OSBPL6: variants seen among roughly 807,000 people sequenced by gnomAD.
OSBPL6 encodes oxysterol binding protein like 6.
In OSBPL6, 49 loss-of-function variants were observed where a neutral mutation model predicts 125.8. That is an observed-to-expected ratio of 0.39 (90% CI 0.31 to 0.49). The LOEUF is 0.49. Among genes scored for constraint, OSBPL6 ranks in the 20% least tolerant of loss-of-function variants. OSBPL6 has a pLI of 0.88. For synonymous variants in OSBPL6, 394 were observed against 391.8 expected (o/e 1.01, Z -0.07); for missense variants, 986 against 1,135.4 (o/e 0.87, Z 1.89).
Position 178,383,065 on chromosome 2 carries a change from C to T in OSBPL6, c.1663C>T (p.Arg555Cys), listed in dbSNP as rs762185098. ...TACAGGAGGGGCCTTCCGAAATGGG[C>T]GTCGAGCATGCCTGCCAGCTCCTTG... is the stretch of plus-strand genomic sequence containing the variant. The part of the protein sequence containing the change: ...ELTGGAFRNG[R>C]RACLPAPCPD... The change falls in exon 17 of 25, where the codon CGT (arginine) becomes TGT (cysteine). Residue 555 changes from arginine to cysteine, a missense_variant. By Grantham distance (180) the Arg-to-Cys change is radical (BLOSUM62 -3). This residue lies in a region of OSBPL6 where 843 missense variants were observed against 997.3 expected (regional missense o/e 0.85). Transcript: ENST00000190611. The T allele has an allele frequency of 3.1e-6, 5 of 1,614,170 alleles. No individual in the cohort carries two copies. Among genetic ancestry groups the T allele is most frequent in the East Asian group, 2.2e-5 (1 of 44,882 alleles).
rs571445174 is a variant in OSBPL6 at position 178,239,295 on chromosome 2, G to A, written c.-351+44621G>A. Among the ~76,000 whole-genome samples the A allele has an allele frequency of 2.0e-5, 3 of 152,280 alleles. No homozygotes were observed. In the South Asian group the frequency reaches 6.2e-4, roughly 32 times the overall value. ...GAAAATAATATTTAACATTTTAACA[G>A]TGATGGCTGGGCACAGTGGCTCACA... On this transcript the variant is annotated intron_variant, in intron 1 of 24. Coordinates refer to ENST00000190611, the MANE Select transcript of OSBPL6 (RefSeq NM_032523.4).
chr2:178,383,429 G>C (rs886484612), intron 17 of OSBPL6, 152 bp downstream of exon 17: 1 of 1,166,398 alleles, frequency 8.6e-7, no homozygotes, highest in Non-Finnish European at 1.2e-6. Flanking sequence ...AATCCGGCAA[G>C]GCCAAAACCT....
chr2:178,338,720 G>C (rs1274156322), intron 9 of OSBPL6, among the ~76,000 whole-genome samples: 3 of 152,184 alleles, frequency 2.0e-5, no homozygotes, highest in Admixed American at 2.0e-4. Flanking sequence ...AGCTATCAGA[G>C]CAGAAAAGGG....
chr2:178,320,852 AGCATG>A (rs1688175161), intron 3 of OSBPL6, among the ~76,000 whole-genome samples: 2 of 152,168 alleles, frequency 1.3e-5, no homozygotes, highest in Non-Finnish European at 2.9e-5. Context: ...ATCCTATTGG[AGCATG>A]ATTTTTATAA....
intron 14 of OSBPL6, among the ~76,000 whole-genome samples, chr2:178,373,342 G>A (rs1575001842): frequency 6.6e-6 from 1 of 151,740 alleles, no homozygotes; most frequent in South Asian, 2.1e-4. Flanking sequence ...ATTTTTTATT[G>A]AAACTTAAAT....
At chr2:178,231,184 C>T (rs112501574) in intron 1 of OSBPL6, among the ~76,000 whole-genome samples, 1 of 152,222 alleles carries the variant, frequency 6.6e-6, no homozygotes, top group African/African-American at 2.4e-5. Flanking sequence ...GCTTGAGCAG[C>T]GGTGTCTGAT....
chr2:178,373,768 A>G, intron 14 of OSBPL6, 122 bp from the exon 15 acceptor site: 3 of 1,211,002 alleles, frequency 2.5e-6, no homozygotes, highest in Non-Finnish European at 3.4e-6. Flanking sequence ...GCAAGTGAAA[A>G]TTGCTTGTGG....
chr2:178,221,327 A>C (rs929886336), intron 1 of OSBPL6, among the ~76,000 whole-genome samples: 1 of 152,224 alleles, frequency 6.6e-6, no homozygotes, highest in African/African-American at 2.4e-5. Context: ...ATTTTAGTGT[A>C]GGGTAGAAAC....
intron 1 of OSBPL6, among the ~76,000 whole-genome samples, chr2:178,238,562 G>T (rs1195384930): frequency 6.6e-6 from 1 of 152,190 alleles, no homozygotes. Context: ...GTTGCTGAGA[G>T]CTGTGGTAAG....
At chr2:178,368,989 G>T (rs1490544089) in intron 13 of OSBPL6, among the ~76,000 whole-genome samples, 1 of 151,934 alleles carries the variant, frequency 6.6e-6, no homozygotes, top group East Asian at 1.9e-4. Flanking sequence ...TAGAGTTGGG[G>T]TTTCACTATG....
chr2:178,269,630 C>T (rs2092327504), intron 1 of OSBPL6, among the ~76,000 whole-genome samples: 1 of 152,102 alleles, frequency 6.6e-6, no homozygotes, highest in Non-Finnish European at 1.5e-5. Flanking sequence ...GAATTTTTCC[C>T]AGTGTTAGCA....
intron 1 of OSBPL6, among the ~76,000 whole-genome samples, chr2:178,209,413 G>A (rs1304286508): frequency 1.6e-5 from 2 of 129,022 alleles, no homozygotes; most frequent in East Asian, 4.6e-4. Flanking sequence ...AGTTTTGCAT[G>A]TTTGAAATTT....
chr2:178,264,009 T>C (rs2092151076), intron 1 of OSBPL6, among the ~76,000 whole-genome samples: 1 of 152,126 alleles, frequency 6.6e-6, no homozygotes, highest in Non-Finnish European at 1.5e-5. Flanking sequence ...AACATGAAGC[T>C]CAGGGAGCTG....
intron 3 of OSBPL6, chr2:178,320,195 A>C: frequency 6.8e-7 from 1 of 1,461,070 alleles, no homozygotes; most frequent in Non-Finnish European, 9.2e-7. Context: ...CTGTCTGTTT[A>C]CCTATGTCTT....
chr2:178,375,920 A>G (rs1693836161), intron 15 of OSBPL6, among the ~76,000 whole-genome samples: 1 of 152,172 alleles, frequency 6.6e-6, no homozygotes, highest in Non-Finnish European at 1.5e-5. Flanking sequence ...GAAGCAGGTT[A>G]TTGCATGAGT....
At chr2:178,224,199 T>C (rs895183838) in intron 1 of OSBPL6, among the ~76,000 whole-genome samples, 1 of 152,042 alleles carries the variant, frequency 6.6e-6, no homozygotes, top group Non-Finnish European at 1.5e-5. Context: ...AGAGAAGGGA[T>C]GTAAGAGAGG....
rs934944183 is a variant in OSBPL6, at chr2:178,391,147, G to C, written c.2376G>C (p.Arg792=). Residue 792 remains arginine (R), a synonymous_variant, in exon 22 of 25, where the codon CGG becomes CGC. Coordinates refer to ENST00000190611, the MANE Select transcript of OSBPL6 (RefSeq NM_032523.4). ...ATCAGGAGGGGAAGGCGGTGTACCGGCTGTTTGGAAAGTGGCATGAAGGAC... is the reference window on the plus strand; with the variant it reads ...ATCAGGAGGGGAAGGCGGTGTACCGCCTGTTTGGAAAGTGGCATGAAGGAC... ...VIDQEGKAVY[R]LFGKWHEGLY... The C allele has an allele frequency of 6.8e-6, 11 of 1,613,868 alleles. No individual in the cohort carries two copies. The highest frequency in any genetic ancestry group is 1.6e-4 in the Middle Eastern group (1 of 6,082).
In OSBPL6 at chr2:178,361,729, G is replaced by A. The variant is rs764368611; in HGVS notation, c.1201G>A (p.Glu401Lys). The A allele has an allele frequency of 1.2e-6, 2 of 1,614,172 alleles. No individual in the cohort carries two copies. Among genetic ancestry groups the A allele is most frequent in the Non-Finnish European group, 8.5e-7 (1 of 1,180,014 alleles). Residue 401 changes from glutamate (E) to lysine (K), a missense_variant, in exon 13 of 25, where the codon GAG (glutamate) becomes AAG (lysine). Around this residue, in one of 3 missense-constraint regions of OSBPL6, gnomAD observed 843 missense variants for 997.3 expected, o/e 0.85. Coordinates refer to ENST00000190611, the MANE Select transcript of OSBPL6 (RefSeq NM_032523.4). ...SAFNSIAIEK[E>K]KLKQMVSEQD... Reference sequence around the variant, plus strand: ...ATTTAATAGCATAGCTATAGAGAAGGAGAAGCTGAAGCAGATGGTTTCCGA... The same window carrying A: ...ATTTAATAGCATAGCTATAGAGAAGAAGAAGCTGAAGCAGATGGTTTCCGA...
intron 16 of OSBPL6, 158 bp downstream of exon 16, chr2:178,382,665 T>A (rs1056377080): frequency 1.3e-6 from 2 of 1,491,976 alleles, no homozygotes; most frequent in South Asian, 2.7e-5. Flanking sequence ...GTATGATCTC[T>A]TGAGGTAAAT....
Sources: allele counts gnomAD v4.1 joint callset (sites outside exome capture counted in the v4.1 genomes callset), GRCh38; gene constraint gnomAD v4.1.1; regional missense constraint gnomAD v4.1.1; transcripts MANE v1.5; gene names NCBI Gene and HGNC (gene_info 2026-07-23, HGNC 2026-07-21).